Variants in CSTF3 observed in about 807,000 individuals in gnomAD.
CSTF3 encodes CF-1 77 kDa subunit.
Under a neutral mutation model 105.8 loss-of-function variants are expected in CSTF3, and 29 were observed. The observed-to-expected ratio is 0.27, with a 90% CI of 0.20 to 0.37. The LOEUF is 0.37. Among genes scored for constraint, CSTF3 ranks in the 10% least tolerant of loss-of-function variants. CSTF3 has a pLI of 1.00. For synonymous variants in CSTF3, 252 were observed against 281.9 expected, an observed-to-expected ratio of 0.89 and a Z score of 1.06; for missense variants, 357 against 879.3, an observed-to-expected ratio of 0.41 and a Z score of 7.51.
chr11:33,141,787 C>G (rs1440356158), intron 2 of CSTF3, 25 bp from the exon 3 acceptor site: 3 of 1,582,370 alleles, frequency 1.9e-6, no homozygotes, highest in Non-Finnish European at 2.6e-6. Flanking sequence ...CAATAAACAG[C>G]ATTTACAATG....
At chr11:33,104,908 GA>G (rs2133777134) in intron 8 of CSTF3, among the ~76,000 whole-genome samples, 5 of 152,174 alleles carry the variant, frequency 3.3e-5, no homozygotes, top group African/African-American at 1.2e-4. Flanking sequence ...ATATACATAC[GA>G]AAAACTTTCT....
At position 33,085,571 on chromosome 11, in the gene CSTF3, G is replaced by A. The variant is rs978572687; in HGVS notation, c.1951+142C>T. On this transcript the variant is annotated intron_variant, in intron 20 of 20. Transcript: ENST00000323959. The stretch of plus-strand genomic sequence containing the variant: ...GAATAAGCCTTTCTCTGCCAAAGAG[G>A]GTTTGGGTAACTCCTGGGTTTCACT... The A allele has an allele frequency of 2.7e-5, 20 of 730,558 alleles. No individual in the cohort carries two copies. The African/African-American group carries it at 3.3e-4, about 12-fold the overall frequency. 45.3% of individuals were successfully genotyped at this position (730,558 alleles called of 1,614,324 possible). A position where few individuals can be genotyped will look rare whatever the true frequency, so the allele number is the denominator to read the frequency against.
At chr11:33,108,470 G>A (rs1471702952) in intron 3 of CSTF3, 52 bp from the exon 4 acceptor site, 21 of 1,330,418 alleles carry the variant, frequency 1.6e-5, no homozygotes, top group Middle Eastern at 2.0e-4. Context: ...TAGAGCATCA[G>A]TCTGAATTTT....
chr11:33,130,333 T>A (rs1425331660), intron 3 of CSTF3, among the ~76,000 whole-genome samples: 1 of 151,718 alleles, frequency 6.6e-6, no homozygotes, highest in Non-Finnish European at 1.5e-5. Context: ...ATTAGCCAGG[T>A]GTGGTGATGG....
chr11:33,098,413 AAAAG>A (rs1373903203), intron 13 of CSTF3, among the ~76,000 whole-genome samples: 24 of 152,332 alleles, frequency 1.6e-4, no homozygotes, highest in Admixed American at 1.5e-3. Flanking sequence ...TGCTGCATTA[AAAAG>A]AAAAAATTCT....
chr11:33,134,283 C>G (rs755061280), intron 3 of CSTF3: 2 of 152,172 alleles, frequency 1.3e-5, no homozygotes, highest in Non-Finnish European at 2.9e-5. Flanking sequence ...TCAACCAATA[C>G]AAAGCAGATT....
intron 16 of CSTF3, among the ~76,000 whole-genome samples, chr11:33,091,311 T>C (rs1855166638): frequency 6.6e-6 from 1 of 152,254 alleles, no homozygotes; most frequent in Non-Finnish European, 1.5e-5. Context: ...AAATTAATGC[T>C]CTGAGACTAC....
intron 3 of CSTF3, among the ~76,000 whole-genome samples, chr11:33,120,890 A>G (rs1424875057): frequency 6.6e-6 from 1 of 151,972 alleles, no homozygotes; most frequent in Non-Finnish European, 1.5e-5. Context: ...TTGTTAAAAT[A>G]TTAATTTAAA....
intron 1 of CSTF3, among the ~76,000 whole-genome samples, chr11:33,155,281 G>A (rs909888034): frequency 5.3e-5 from 8 of 151,468 alleles, no homozygotes; most frequent in Non-Finnish European, 1.0e-4. Flanking sequence ...GGAGAATAGC[G>A]TGAACCCAGG....
At chr11:33,118,465 T>A (rs1487575367) in intron 3 of CSTF3, among the ~76,000 whole-genome samples, 1 of 151,862 alleles carries the variant, frequency 6.6e-6, no homozygotes, top group Non-Finnish European at 1.5e-5. Flanking sequence ...CAAAGAATAA[T>A]CTGTAATTTT....
chr11:33,085,198 G>C lies in CSTF3; in HGVS notation c.2043C>G (p.Thr681=). ...CCTCGTTGGGCCTTTTGACGGCCTTGGTGAGTACTGCATTACTTTCCACGG... is the reference window on the plus strand; with the variant it reads ...CCTCGTTGGGCCTTTTGACGGCCTTCGTGAGTACTGCATTACTTTCCACGG... ...NGPVESNAVL[T]KAVKRPNEDS... is the part of the protein sequence containing the mutation. The change falls in exon 21 of 21, where the codon ACC becomes ACG. Residue 681 remains threonine (T), a synonymous_variant. Transcript: ENST00000323959. 1.2e-6 allele frequency: 2 copies of C among 1,613,960 alleles called. No individual in the cohort carries two copies. The highest frequency in any genetic ancestry group is 1.7e-6 in the Non-Finnish European group (2 of 1,179,980).
chr11:33,149,634 A>G (rs1404808572), intron 1 of CSTF3, among the ~76,000 whole-genome samples: 1 of 152,230 alleles, frequency 6.6e-6, no homozygotes, highest in African/African-American at 2.4e-5. Context: ...AGTGGCTCCC[A>G]GTACTTTGGA....
intron 3 of CSTF3, among the ~76,000 whole-genome samples, chr11:33,130,988 T>C (rs1855592828): frequency 6.6e-6 from 1 of 151,574 alleles, no homozygotes; most frequent in Admixed American, 6.6e-5. Context: ...CATGATTACA[T>C]TACTGCATTC....
intron 3 of CSTF3, among the ~76,000 whole-genome samples, chr11:33,133,943 A>T (rs1352003351): frequency 6.6e-6 from 1 of 152,210 alleles, no homozygotes; most frequent in Non-Finnish European, 1.5e-5. Flanking sequence ...TATAACATAG[A>T]CTGCAGATTA....
intron 1 of CSTF3, chr11:33,156,852 T>C (rs1417029438): frequency 5.8e-6 from 2 of 344,990 alleles, no homozygotes; most frequent in African/African-American, 4.4e-5. Context: ...ACTTAATCCA[T>C]TCATTTACTG....
chr11:33,091,233 C>T (rs1377049898), intron 16 of CSTF3, among the ~76,000 whole-genome samples: 5 of 152,148 alleles, frequency 3.3e-5, no homozygotes, highest in Admixed American at 2.0e-4. Flanking sequence ...AATATGATTA[C>T]GCTATTGTTT....
At chr11:33,129,789 A>AT (rs1448408353) in intron 3 of CSTF3, among the ~76,000 whole-genome samples, 6 of 152,346 alleles carry the variant, frequency 3.9e-5, no homozygotes, top group African/African-American at 1.4e-4. Flanking sequence ...GCATAACTGA[A>AT]TACACTAAAG....
chr11:33,119,628 T>G (rs1277346136), intron 3 of CSTF3, among the ~76,000 whole-genome samples: 1 of 151,796 alleles, frequency 6.6e-6, no homozygotes, highest in Non-Finnish European at 1.5e-5. Context: ...CCTCATTCTA[T>G]AAAACTCACA....
intron 3 of CSTF3, among the ~76,000 whole-genome samples, chr11:33,131,673 C>T (rs1193414332): frequency 6.6e-6 from 1 of 150,670 alleles, no homozygotes; most frequent in Admixed American, 6.7e-5. Flanking sequence ...AGTGAAACCC[C>T]ATCTCTACTA....
Sources: allele counts gnomAD v4.1 joint callset (sites outside exome capture counted in the v4.1 genomes callset), GRCh38; gene constraint gnomAD v4.1.1; transcripts MANE v1.5; gene names NCBI Gene and HGNC (gene_info 2026-07-23, HGNC 2026-07-21).